Variants in NUDCD3 observed in about 807,000 individuals in gnomAD.
NUDCD3 encodes the protein nudC domain-containing protein 3.
NUDCD3 carries 13 observed loss-of-function variants against 39.7 expected under a neutral mutation model. That is an observed-to-expected ratio of 0.33 (90% CI 0.21 to 0.52). NUDCD3 has a LOEUF of 0.52. Among genes scored for constraint, NUDCD3 ranks in the 20% least tolerant of loss-of-function variants. The probability of loss-of-function intolerance (pLI) is 0.96; values close to 1 mark genes in which losing one functional copy is unlikely to be tolerated. For synonymous variants in NUDCD3, 175 were observed against 172.4 expected, an observed-to-expected ratio of 1.02 and a Z score of -0.12; for missense variants, 453 against 458.1, an observed-to-expected ratio of 0.99 and a Z score of 0.10.
chr7:44,434,466 T>G (rs1799428876), intron 2 of NUDCD3, among the ~76,000 whole-genome samples: 1 of 152,152 alleles, frequency 6.6e-6, no homozygotes, highest in Non-Finnish European at 1.5e-5. Flanking sequence ...GCTGCCCAGC[T>G]CTCACTGAGG....
intron 2 of NUDCD3, among the ~76,000 whole-genome samples, chr7:44,437,064 C>CT (rs1799480810): frequency 1.5e-5 from 2 of 133,228 alleles, no homozygotes; most frequent in African/African-American, 5.5e-5. Flanking sequence ...TTTTTCTTTT[C>CT]TTTTCTTTTT....
intron 4 of NUDCD3, among the ~76,000 whole-genome samples, chr7:44,393,436 G>A (rs968906515): frequency 2.0e-5 from 3 of 152,160 alleles, no homozygotes; most frequent in African/African-American, 7.2e-5. Flanking sequence ...GGGACACAGA[G>A]GAGGGCCCTG....
intron 3 of NUDCD3, among the ~76,000 whole-genome samples, chr7:44,411,511 T>C (rs970136530): frequency 2.0e-5 from 3 of 151,906 alleles, no homozygotes; most frequent in Non-Finnish European, 4.4e-5. Flanking sequence ...AAGTGGAAAA[T>C]AAGGACATAA....
rs1213823015 is a variant in NUDCD3, at chr7:44,427,472, C to T, written c.642+99G>A. 16 of 1,354,368 alleles carry T rather than the reference C, an allele frequency of 1.2e-5. No individual in the cohort carries two copies. In the East Asian group the frequency reaches 1.9e-4, roughly 16 times the overall value. The allele number at this position is 1,354,368 out of a possible 1,614,324, so 83.9% of individuals were successfully genotyped here. ...AGGAACACACCTCACATCCTAAAGC[C>T]GATCTCAACACTCCCTCAAGGATGC... On this transcript the variant is annotated intron_variant, in intron 3 of 5. Transcript: ENST00000355451.
chr7:44,389,809 A>T (rs929861691), intron 5 of NUDCD3, among the ~76,000 whole-genome samples: 13 of 151,968 alleles, frequency 8.6e-5, no homozygotes, highest in Non-Finnish European at 1.3e-4. Context: ...AGAGGGGAGG[A>T]TGTAAGGGAA....
chr7:44,406,216 T>C (rs897917483), intron 3 of NUDCD3, among the ~76,000 whole-genome samples: 1 of 152,246 alleles, frequency 6.6e-6, no homozygotes, highest in South Asian at 2.1e-4. Flanking sequence ...CAGGCGGCTC[T>C]GCCAGGTTCA....
intron 2 of NUDCD3, among the ~76,000 whole-genome samples, chr7:44,453,521 T>C (rs1166341914): frequency 6.6e-6 from 1 of 152,178 alleles, no homozygotes; most frequent in African/African-American, 2.4e-5. Context: ...GGACTTTAAT[T>C]TCCTGCTCCT....
At chr7:44,434,639 C>G (rs1031531254) in intron 2 of NUDCD3, among the ~76,000 whole-genome samples, 6 of 152,224 alleles carry the variant, frequency 3.9e-5, no homozygotes, top group African/African-American at 1.2e-4. Context: ...GCCAATGCAG[C>G]AAGCAGCCAC....
At chr7:44,477,130 C>T (rs368859414) in intron 2 of NUDCD3, among the ~76,000 whole-genome samples, 20 of 152,296 alleles carry the variant, frequency 1.3e-4, no homozygotes, top group South Asian at 4.1e-4. Flanking sequence ...TATGTTCTAA[C>T]GGGCTTGTCC....
At chr7:44,480,544 G>C (rs1365104692) in intron 2 of NUDCD3, among the ~76,000 whole-genome samples, 1 of 152,132 alleles carries the variant, frequency 6.6e-6, no homozygotes, top group Non-Finnish European at 1.5e-5. Context: ...CAAAGAAACA[G>C]AAGCAGCAGA....
At chr7:44,449,133 A>G (rs1215758426) in intron 2 of NUDCD3, among the ~76,000 whole-genome samples, 3 of 152,218 alleles carry the variant, frequency 2.0e-5, no homozygotes, top group Non-Finnish European at 4.4e-5. Context: ...AGAAAACTGC[A>G]GAAAGAAGAA....
Position 44,485,354 on chromosome 7 carries a change from T to C in NUDCD3, c.193-70A>G, listed in dbSNP as rs117508762. ...CTGTACCACATATCTTGTAGAAATGTCGTAAAATCTGTGAAGGAGAGAACT... is the reference window on the plus strand; with the variant it reads ...CTGTACCACATATCTTGTAGAAATGCCGTAAAATCTGTGAAGGAGAGAACT... On this transcript the variant is annotated intron_variant, in intron 1 of 5. Coordinates refer to ENST00000355451, the MANE Select transcript of NUDCD3 (RefSeq NM_015332.4). The C allele has an allele frequency of 6.2e-3, 8,224 of 1,332,304 alleles. 45 individuals carry two copies. Among genetic ancestry groups the C allele is most frequent in the Non-Finnish European group, 8.0e-3 (7,726 of 969,554 alleles). 82.5% of individuals were successfully genotyped at this position (1,332,304 alleles called of 1,614,324 possible).
intron 2 of NUDCD3, among the ~76,000 whole-genome samples, chr7:44,454,022 G>T (rs914922736): frequency 4.6e-5 from 7 of 151,864 alleles, no homozygotes; most frequent in Non-Finnish European, 8.8e-5. Context: ...CAACCTGGGC[G>T]ACAGAGCAAG....
chr7:44,423,636 TAA>T (rs2116896622), intron 3 of NUDCD3, among the ~76,000 whole-genome samples: 1 of 151,902 alleles, frequency 6.6e-6, no homozygotes, highest in South Asian at 2.1e-4. Flanking sequence ...CTCAAGGAAA[TAA>T]GAGAGGACAC....
intron 2 of NUDCD3, among the ~76,000 whole-genome samples, chr7:44,432,619 C>T (rs531516605): frequency 3.3e-5 from 5 of 152,326 alleles, no homozygotes; most frequent in South Asian, 4.1e-4. Context: ...GATTGAGGCC[C>T]GGTTTGTCAA....
chr7:44,456,403 G>T (rs1366838747), intron 2 of NUDCD3, among the ~76,000 whole-genome samples: 1 of 152,196 alleles, frequency 6.6e-6, no homozygotes, highest in South Asian at 2.1e-4. Context: ...ACCAGCACAA[G>T]GTTAAACTCG....
chr7:44,408,003 T>C (rs1798860226), intron 3 of NUDCD3, among the ~76,000 whole-genome samples: 1 of 151,920 alleles, frequency 6.6e-6, no homozygotes, highest in Admixed American at 6.6e-5. Flanking sequence ...GAAAGACTCA[T>C]GAAATTTTAT....
At chr7:44,412,892 A>G (rs1244889895) in intron 3 of NUDCD3, among the ~76,000 whole-genome samples, 1 of 144,852 alleles carries the variant, frequency 6.9e-6, no homozygotes, top group Non-Finnish European at 1.5e-5. Context: ...ACGCCACTGC[A>G]CTCCAGCCTG....
intron 1 of NUDCD3, among the ~76,000 whole-genome samples, chr7:44,487,327 C>T (rs1027470441): frequency 1.1e-4 from 17 of 152,108 alleles, no homozygotes; most frequent in African/African-American, 2.9e-4. Context: ...TGAAGTTCCA[C>T]AATGATGCAG....
Sources: gnomAD v4.1 joint callset for allele counts (sites outside exome capture counted in the v4.1 genomes callset) on GRCh38, gnomAD v4.1.1 for gene constraint, MANE v1.5 for transcripts, NCBI Gene and HGNC (gene_info 2026-07-23, HGNC 2026-07-21) for gene names.